The following OLR1 variants were observed in gnomAD, a reference collection of about 807,000 sequenced individuals.
OLR1 encodes the protein oxidized low density lipoprotein receptor 1.
A neutral mutation model predicts 31.7 loss-of-function variants in OLR1; 23 were observed. The observed-to-expected ratio is 0.72, with a 90% CI of 0.52 to 1.03. OLR1 has a LOEUF of 1.03. Among genes scored for constraint, OLR1 ranks in the 50% least tolerant of loss-of-function variants. OLR1 has a pLI of 0.00. For missense variants in OLR1, 286 were observed against 315.7 expected, an observed-to-expected ratio of 0.91 and a Z score of 0.71; for synonymous variants, 117 against 115.8, an observed-to-expected ratio of 1.01 and a Z score of -0.07.
upstream of OLR1, among the ~76,000 whole-genome samples, chr12:10,173,910 T>C (rs2742110): frequency 0.42 from 64,050 of 151,998 alleles, 14,885 homozygotes; most frequent in African/African-American, 0.62. Context: ...CATTTTTAGG[T>C]GTACTGTTCA....
chr12:10,161,949 A>AC (rs1948624598), intron 3 of OLR1, among the ~76,000 whole-genome samples: 1 of 147,738 alleles, frequency 6.8e-6, no homozygotes, highest in Non-Finnish European at 1.5e-5. Flanking sequence ...ATATATAAAA[A>AC]ACACATACTA....
chr12:10,168,014 A>G (rs1948676817), intron 2 of OLR1, among the ~76,000 whole-genome samples: 1 of 152,230 alleles, frequency 6.6e-6, no homozygotes, highest in African/African-American at 2.4e-5. Flanking sequence ...TGTCACTAGG[A>G]AAGGCCCTAA....
rs776856074 is a variant in OLR1 at position 10,166,697 on chromosome 12, C to A, written c.424+15G>T. On this transcript the variant is annotated intron_variant, in intron 3 of 5. Coordinates refer to ENST00000309539, the MANE Select transcript of OLR1 (RefSeq NM_002543.4). ...AGCTTCCACTATGTCTCCTTACCCA[C>A]CCTTCTCCCAATACCTGAACAATTT... is the stretch of plus-strand genomic sequence containing the variant. 1.2e-6 allele frequency: 2 copies of A among 1,613,664 alleles called. No homozygotes were observed. Among genetic ancestry groups the A allele is most frequent in the African/African-American group, 2.7e-5 (2 of 74,874 alleles).
chr12:10,160,532 G>A (rs184058473), intron 4 of OLR1, 70 bp from the exon 5 acceptor site: 86 of 1,283,870 alleles, frequency 6.7e-5, no homozygotes, highest in East Asian at 5.7e-4. Context: ...GTCAGTTAGT[G>A]TTGGATCCAC....
intron 1 of OLR1, among the ~76,000 whole-genome samples, chr12:10,171,666 G>A (rs905504620): frequency 6.6e-6 from 1 of 152,150 alleles, no homozygotes; most frequent in Non-Finnish European, 1.5e-5. Context: ...ACTGGATGAT[G>A]TTGTTAGTCC....
chr12:10,173,442 G>C (rs1021947151), upstream of OLR1, among the ~76,000 whole-genome samples: 2 of 151,940 alleles, frequency 1.3e-5, no homozygotes, highest in African/African-American at 4.8e-5. Context: ...CCTCCTCCCT[G>C]TTTCCTATAT....
chr12:10,160,091 T>C, intron 5 of OLR1, 70 bp from the exon 6 acceptor site: 1 of 1,524,822 alleles, frequency 6.6e-7, no homozygotes, highest in African/African-American at 1.4e-5. Flanking sequence ...TTTCAGAAAC[T>C]TAGCTTTTGA....
chr12:10,161,405 C>A (rs1948618727), intron 3 of OLR1, among the ~76,000 whole-genome samples: 1 of 152,084 alleles, frequency 6.6e-6, no homozygotes, highest in Non-Finnish European at 1.5e-5. Flanking sequence ...TATTTAATAG[C>A]CATTCTGCTA....
chr12:10,174,561 A>C (rs1404038806), upstream of OLR1, among the ~76,000 whole-genome samples: 4 of 152,218 alleles, frequency 2.6e-5, no homozygotes, highest in East Asian at 7.7e-4. Flanking sequence ...ATGGACTGGA[A>C]CTCAGCCATC....
chr12:10,163,734 C>T (rs977192351), intron 3 of OLR1, among the ~76,000 whole-genome samples: 1 of 152,020 alleles, frequency 6.6e-6, no homozygotes, highest in Non-Finnish European at 1.5e-5. Flanking sequence ...GGTTCGAGAC[C>T]AGCCTGACCA....
chr12:10,161,722 T>C (rs1006664740), intron 3 of OLR1, among the ~76,000 whole-genome samples: 2 of 152,040 alleles, frequency 1.3e-5, no homozygotes, highest in Non-Finnish European at 2.9e-5. Context: ...TGCATTAAGA[T>C]GTACTATAAG....
In OLR1 at chr12:10,159,822, G is replaced by A. The variant is rs1279899571; in HGVS notation, c.*58C>T. On this transcript the variant is annotated 3_prime_UTR_variant, in exon 6 of 6. Coordinates refer to ENST00000309539, the MANE Select transcript of OLR1 (RefSeq NM_002543.4). ...TTTGGCACCCAAGTGACAAAGAATAGCTTAAATTCCAGAATAAAACTCAAA... is the reference window on the plus strand; with the variant it reads ...TTTGGCACCCAAGTGACAAAGAATAACTTAAATTCCAGAATAAAACTCAAA... 2.0e-6 allele frequency: 3 copies of A among 1,519,090 alleles called. No individual in the cohort carries two copies. In the East Asian group the frequency reaches 6.8e-5, roughly 35 times the overall value. 94.1% of individuals were successfully genotyped at this position (1,519,090 alleles called of 1,614,324 possible). A position where few individuals can be genotyped will look rare whatever the true frequency, so the allele number is the denominator to read the frequency against.
At chr12:10,166,502 T>C (rs1206385751) in intron 3 of OLR1, among the ~76,000 whole-genome samples, 7 of 149,424 alleles carry the variant, frequency 4.7e-5, no homozygotes, top group Admixed American at 4.0e-4. Context: ...CACTCCAGCC[T>C]GGGCAAAAGA....
chr12:10,172,830 T>C (rs1948734728), upstream of OLR1, among the ~76,000 whole-genome samples: 1 of 152,194 alleles, frequency 6.6e-6, no homozygotes, highest in African/African-American at 2.4e-5. Flanking sequence ...AACATTGTTA[T>C]AGGAATTCAA....
intron 4 of OLR1, 96 bp downstream of exon 4, chr12:10,160,690 G>T: frequency 6.8e-7 from 1 of 1,464,884 alleles, no homozygotes; most frequent in East Asian, 2.3e-5. Flanking sequence ...CAGACATTTT[G>T]GCTCTCAAAC....
intron 1 of OLR1, among the ~76,000 whole-genome samples, 189 bp downstream of exon 1, chr12:10,171,813 A>G: frequency 6.6e-6 from 1 of 152,360 alleles, no homozygotes; most frequent in East Asian, 1.9e-4. Context: ...TACTCAGTAT[A>G]AATTGTTATA....
chr12:10,171,906 G>T (rs2137529046), intron 1 of OLR1, 96 bp downstream of exon 1: 5 of 816,360 alleles, frequency 6.1e-6, no homozygotes, highest in Non-Finnish European at 6.2e-6. Flanking sequence ...TCCCATACTT[G>T]GGTGTTTAGC....
upstream of OLR1, among the ~76,000 whole-genome samples, chr12:10,173,552 G>A (rs1159576288): frequency 1.3e-5 from 2 of 151,832 alleles, no homozygotes; most frequent in Admixed American, 6.6e-5. Context: ...AGCTGAGGGG[G>A]GGGGTGGATC....
chr12:10,164,903 C>T (rs1179932782), intron 3 of OLR1, among the ~76,000 whole-genome samples: 1 of 152,136 alleles, frequency 6.6e-6, no homozygotes, highest in Non-Finnish European at 1.5e-5. Context: ...TTGGACTCCT[C>T]ATATTTTTGT....
Sources: allele counts gnomAD v4.1 joint callset (sites outside exome capture counted in the v4.1 genomes callset), GRCh38; gene constraint gnomAD v4.1.1; transcripts MANE v1.5; gene names NCBI Gene and HGNC (gene_info 2026-07-23, HGNC 2026-07-21).